ACSL4: variants seen among roughly 807,000 people sequenced by gnomAD.
ACSL4 encodes long-chain-fatty-acid--CoA ligase 4.
ACSL4 carries 9 observed loss-of-function variants against 49.1 expected under a neutral mutation model. The ratio of observed to expected loss-of-function variants is 0.18; its 90% confidence interval spans 0.11 to 0.32. The LOEUF is 0.32. Among genes scored for constraint, ACSL4 ranks in the 10% least tolerant of loss-of-function variants. The pLI, the probability that ACSL4 is intolerant of heterozygous loss-of-function variation, is 1.00. For missense variants in ACSL4, 333 were observed against 493.7 expected, an observed-to-expected ratio of 0.67 and a Z score of 3.08; for synonymous variants, 191 against 170.3, an observed-to-expected ratio of 1.12 and a Z score of -0.95.
Position 109,665,495 on chromosome X carries a change from C to G in ACSL4, c.1316-1G>C. ...ACTCTGCCAGTAGTATAGTCAGTTA[C>G]TGTGAGGGAAAAAGTAACAGAGATA... On this transcript the variant is annotated splice_acceptor_variant, in intron 11 of 15. Coordinates refer to ENST00000672401, the MANE Select transcript of ACSL4 (RefSeq NM_001318510.2). LOFTEE classifies it high-confidence loss of function. 8.3e-7 allele frequency: 1 copy of G among 1,199,806 alleles called. No homozygotes were observed. The highest frequency in any genetic ancestry group is 1.1e-6 in the Non-Finnish European group (1 of 884,968).
chrX:109,696,937 A>AG (rs1238210623), intron 1 of ACSL4, among the ~76,000 whole-genome samples: 2 of 111,884 alleles, frequency 1.8e-5, no homozygotes, highest in African/African-American at 6.5e-5. Flanking sequence ...CCAACTACTC[A>AG]GGAGGCTGAA....
At chrX:109,658,776 T>C (rs1274037161) in intron 15 of ACSL4, among the ~76,000 whole-genome samples, 2 of 111,860 alleles carry the variant, frequency 1.8e-5, no homozygotes, top group Non-Finnish European at 3.8e-5. Context: ...GGTACCATGA[T>C]TCTCTGTTCA....
chrX:109,705,023 T>C (rs1012735334), intron 1 of ACSL4, among the ~76,000 whole-genome samples: 10 of 111,415 alleles, frequency 9.0e-5, no homozygotes, highest in African/African-American at 2.9e-4. Flanking sequence ...GTTTATGGCA[T>C]AGATTGTGGT....
chrX:109,666,839 C>T (rs189658077), intron 11 of ACSL4, among the ~76,000 whole-genome samples: 4 of 111,938 alleles, frequency 3.6e-5, no homozygotes, highest in Admixed American at 1.9e-4. Flanking sequence ...TGCTTGAACC[C>T]GGGAGGCGGA....
intron 2 of ACSL4, 50 bp from the exon 3 acceptor site, chrX:109,683,425 A>G (rs2147450514): frequency 8.3e-7 from 1 of 1,211,763 alleles, no homozygotes; most frequent in Non-Finnish European, 1.1e-6. Context: ...GGCACTGTAT[A>G]TTGTTATTAA....
At chrX:109,649,183 TTCA>T (rs1181194753) in intron 15 of ACSL4, among the ~76,000 whole-genome samples, 2 of 111,045 alleles carry the variant, frequency 1.8e-5, no homozygotes, top group Admixed American at 9.6e-5. Context: ...TACTTTAAAG[TTCA>T]TATGGAACCA....
intron 9 of ACSL4, among the ~76,000 whole-genome samples, chrX:109,669,837 G>A (rs1393609223): frequency 8.9e-6 from 1 of 112,617 alleles, no homozygotes; most frequent in Non-Finnish European, 1.9e-5. Flanking sequence ...ATCTATTCAT[G>A]ATGCTTTTCT....
intron 1 of ACSL4, among the ~76,000 whole-genome samples, chrX:109,724,632 C>T (rs1927820994): frequency 9.0e-6 from 1 of 111,281 alleles, no homozygotes; most frequent in Non-Finnish European, 1.9e-5. Context: ...ATTTTTTGGG[C>T]TAGGCGTGGT....
At chrX:109,693,285 C>G (rs1051931094) in intron 2 of ACSL4, among the ~76,000 whole-genome samples, 1 of 111,230 alleles carries the variant, frequency 9.0e-6, no homozygotes, top group Non-Finnish European at 1.9e-5. Context: ...ACTCATTCTG[C>G]TTTTCAGTAT....
At chrX:109,728,318 ATAACT>A (rs2147563318) in intron 1 of ACSL4, among the ~76,000 whole-genome samples, 1 of 112,642 alleles carries the variant, frequency 8.9e-6, no homozygotes, top group African/African-American at 3.2e-5. Context: ...GTCATGAATC[ATAACT>A]TCACTACTCA....
chrX:109,690,562 G>A (rs1195329560), intron 2 of ACSL4, among the ~76,000 whole-genome samples: 2 of 111,572 alleles, frequency 1.8e-5, no homozygotes, highest in Non-Finnish European at 3.8e-5. Flanking sequence ...GAGAGATTAA[G>A]TTGCCCAAGA....
chrX:109,684,746 A>G (rs1288364272), intron 2 of ACSL4, among the ~76,000 whole-genome samples: 3 of 111,710 alleles, frequency 2.7e-5, no homozygotes, highest in Non-Finnish European at 5.6e-5. Flanking sequence ...ATTAGATTTA[A>G]GCTGGACCTT....
intron 2 of ACSL4, among the ~76,000 whole-genome samples, chrX:109,684,201 C>G (rs1009228123): frequency 8.9e-6 from 1 of 112,391 alleles, no homozygotes; most frequent in African/African-American, 3.2e-5. Flanking sequence ...GTAAATTTCT[C>G]AGGTAATGCT....
chrX:109,665,389 G>A, intron 12 of ACSL4, 31 bp downstream of exon 12: 2 of 1,145,528 alleles, frequency 1.7e-6, no homozygotes, highest in Non-Finnish European at 2.4e-6. Flanking sequence ...AGCATATCTT[G>A]AATCACTAGA....
intron 12 of ACSL4, among the ~76,000 whole-genome samples, chrX:109,664,470 T>C (rs188909036): frequency 8.0e-5 from 9 of 111,817 alleles, no homozygotes; most frequent in African/African-American, 2.9e-4. Flanking sequence ...GGAATGCCAT[T>C]ACCATGGAAA....
At chrX:109,662,610 T>C (rs1192087107) in intron 13 of ACSL4, among the ~76,000 whole-genome samples, 4 of 111,150 alleles carry the variant, frequency 3.6e-5, no homozygotes, top group South Asian at 7.6e-4. Flanking sequence ...TTTTTGAACA[T>C]AAAGGTCCAC....
chrX:109,715,504 G>T (rs995103697), intron 1 of ACSL4, among the ~76,000 whole-genome samples: 1 of 110,462 alleles, frequency 9.1e-6, no homozygotes, highest in African/African-American at 3.3e-5. Flanking sequence ...GCCAGGCATG[G>T]TTGTGTACAC....
In ACSL4 at chrX:109,666,885, A is replaced by G. The variant is rs137887374; in HGVS notation, c.1315+1216T>C. 2.6e-4 allele frequency among the ~76,000 whole-genome samples: 29 copies of G among 112,395 alleles called. No individual in the cohort carries two copies. In the East Asian group the frequency reaches 7.8e-3, roughly 30 times the overall value. On this transcript the variant is annotated intron_variant, in intron 11 of 15. Coordinates refer to ENST00000672401, the MANE Select transcript of ACSL4 (RefSeq NM_001318510.2). ...AGCTGAGATTGTGCCACTGCACTCC[A>G]GCCTGGGCAACAGAGCAAGACTCTG...
At chrX:109,665,389 G>T in intron 12 of ACSL4, 31 bp downstream of exon 12, 1 of 1,145,519 alleles carries the variant, frequency 8.7e-7, no homozygotes, top group Non-Finnish European at 1.2e-6. Context: ...AGCATATCTT[G>T]AATCACTAGA....
Sources: allele counts gnomAD v4.1 joint callset (sites outside exome capture counted in the v4.1 genomes callset), GRCh38; gene constraint gnomAD v4.1.1; transcripts MANE v1.5; gene names NCBI Gene and HGNC (gene_info 2026-07-23, HGNC 2026-07-21).